TRHDE: variants seen among roughly 807,000 people sequenced by gnomAD.
TRHDE encodes the protein thyrotropin-releasing hormone-degrading ectoenzyme.
Under a neutral mutation model 125.7 loss-of-function variants are expected in TRHDE, and 72 were observed. The observed-to-expected ratio is 0.57, with a 90% confidence interval of 0.47 to 0.70. The LOEUF (loss-of-function observed/expected upper bound fraction) is 0.70, where lower values mean the gene tolerates loss of function less well. Among genes scored for constraint, TRHDE ranks in the 30% least tolerant of loss-of-function variants. The pLI is 0.00. For missense variants in TRHDE, 1,110 were observed against 1,327.1 expected (o/e 0.84, Z 2.54); for synonymous variants, 509 against 509.1 (o/e 1.00, Z 0.00).
intron 6 of TRHDE, among the ~76,000 whole-genome samples, 169 bp downstream of exon 6, chr12:72,499,804 T>C (rs959982345): frequency 3.3e-5 from 5 of 152,176 alleles, no homozygotes; most frequent in Non-Finnish European, 7.4e-5. Context: ...CAGCTTTGCT[T>C]TAAAAGTTGG....
chr12:72,301,816 G>A (rs1268855305), intron 2 of TRHDE, among the ~76,000 whole-genome samples: 1 of 152,140 alleles, frequency 6.6e-6, no homozygotes, highest in Non-Finnish European at 1.5e-5. Context: ...AGGACTGTAG[G>A]TAGGGTGGGG....
At chr12:72,213,693 G>C (rs1045624023) in intron 2 of TRHDE, among the ~76,000 whole-genome samples, 2 of 152,004 alleles carry the variant, frequency 1.3e-5, no homozygotes, top group African/African-American at 4.8e-5. Context: ...CTGGAATTTT[G>C]TAAAATTCAA....
intron 15 of TRHDE, among the ~76,000 whole-genome samples, chr12:72,632,412 T>C (rs567338117): frequency 1.2e-3 from 179 of 152,048 alleles, no homozygotes; most frequent in Non-Finnish European, 2.3e-3. Flanking sequence ...AGGCAGGCGA[T>C]TATCAGGATA....
intron 2 of TRHDE, among the ~76,000 whole-genome samples, chr12:72,143,479 T>C (rs1876162664): frequency 6.6e-6 from 1 of 151,936 alleles, no homozygotes. Context: ...AGTATGATTA[T>C]GCTTAGATCT....
intron 1 of TRHDE, among the ~76,000 whole-genome samples, chr12:72,094,349 G>A (rs1326138216): frequency 6.6e-6 from 1 of 152,056 alleles, no homozygotes; most frequent in Non-Finnish European, 1.5e-5. Context: ...GCTGAGTAAG[G>A]GGCCATAGCC....
intron 1 of TRHDE, among the ~76,000 whole-genome samples, chr12:72,092,187 T>G (rs548510333): frequency 1.2e-3 from 186 of 152,348 alleles, no homozygotes; most frequent in Middle Eastern, 0.01. Context: ...TGTAAGAATC[T>G]ATGCATCTGA....
At chr12:72,540,099 G>A (rs1869067689) in intron 6 of TRHDE, among the ~76,000 whole-genome samples, 1 of 151,782 alleles carries the variant, frequency 6.6e-6, no homozygotes, top group African/African-American at 2.4e-5. Context: ...CTTAGTATAT[G>A]TTGGCTAAAC....
At chr12:72,552,166 T>C (rs1869708364) in intron 7 of TRHDE, among the ~76,000 whole-genome samples, 1 of 152,090 alleles carries the variant, frequency 6.6e-6, no homozygotes, top group South Asian at 2.1e-4. Flanking sequence ...TCTATTTACA[T>C]ACAGAACAGT....
At chr12:72,271,204 A>T (rs1194281053), upstream of TRHDE, among the ~76,000 whole-genome samples, 1 of 152,200 alleles carries the variant, frequency 6.6e-6, no homozygotes, top group African/African-American at 2.4e-5. Context: ...TTAATGCTTC[A>T]TTGCTAACAT....
At chr12:72,277,194 A>C (rs1392013728) in intron 1 of TRHDE, among the ~76,000 whole-genome samples, 1 of 152,154 alleles carries the variant, frequency 6.6e-6, no homozygotes, top group Admixed American at 6.5e-5. Context: ...CTCCAAGTAA[A>C]ATGGGAAAAT....
At chr12:72,477,985 G>A (rs181833813) in intron 5 of TRHDE, among the ~76,000 whole-genome samples, 11 of 152,168 alleles carry the variant, frequency 7.2e-5, no homozygotes, top group African/African-American at 2.4e-4. Context: ...AGAGCTTCAC[G>A]CACCAAAAAC....
intron 2 of TRHDE, among the ~76,000 whole-genome samples, chr12:72,326,886 AG>A (rs1157170850): frequency 6.6e-6 from 1 of 152,174 alleles, no homozygotes; most frequent in Admixed American, 6.5e-5. Flanking sequence ...CACTTTGACA[AG>A]GAGTGGCAGT....
chr12:72,266,647 G>A (rs1879077455), intron 2 of TRHDE, among the ~76,000 whole-genome samples: 1 of 151,688 alleles, frequency 6.6e-6, no homozygotes, highest in Admixed American at 6.6e-5. Flanking sequence ...TATATCCCTA[G>A]CACAGTGCCT....
rs185613190 is a variant in TRHDE at position 72,117,027 on chromosome 12, T to C, written n.279+11275T>C. Among the ~76,000 whole-genome samples the C allele has an allele frequency of 4.2e-3, 645 of 152,282 alleles. 1 individual carries two copies. Among genetic ancestry groups the C allele is most frequent in the African/African-American group, 0.015 (623 of 41,586 alleles). On this transcript the variant is annotated intron_variant and non_coding_transcript_variant, in intron 2 of 4. Transcript: ENST00000548156. ...TGATGGATAGTTTGCAATTTTTTTC[T>C]CCCATTCTGTGGGTTGTCTCTTCTC...
At chr12:72,562,741 A>T in intron 8 of TRHDE, 112 bp from the exon 9 acceptor site, 1 of 683,352 alleles carries the variant, frequency 1.5e-6, no homozygotes, top group Non-Finnish European at 2.3e-6. Context: ...CAATGACTTT[A>T]AATGTTTTCA....
chr12:72,191,008 C>T (rs1877326985), intron 2 of TRHDE, among the ~76,000 whole-genome samples: 1 of 152,190 alleles, frequency 6.6e-6, no homozygotes. Context: ...TTTCTGCATG[C>T]ACTATAACCT....
chr12:72,650,864 C>A (rs986727564), intron 15 of TRHDE, among the ~76,000 whole-genome samples: 11 of 152,178 alleles, frequency 7.2e-5, no homozygotes, highest in African/African-American at 2.4e-4. Flanking sequence ...CAGAACTGAG[C>A]ACATCCTTCA....
chr12:72,500,872 T>TTTA (rs1878124111), intron 6 of TRHDE, among the ~76,000 whole-genome samples: 1 of 130,612 alleles, frequency 7.7e-6, no homozygotes, highest in Admixed American at 8.0e-5. Flanking sequence ...TTTTTTTTTT[T>TTTA]AAGTTTCTTT....
intron 2 of TRHDE, among the ~76,000 whole-genome samples, chr12:72,245,674 C>A (rs939154491): frequency 7.4e-4 from 113 of 151,864 alleles, no homozygotes; most frequent in Non-Finnish European, 1.4e-3. Flanking sequence ...ATTTAATTTT[C>A]AAATTTATAA....
Sources: gnomAD v4.1 joint callset for allele counts (sites outside exome capture counted in the v4.1 genomes callset) on GRCh38, gnomAD v4.1.1 for gene constraint, MANE v1.5 for transcripts, NCBI Gene and HGNC (gene_info 2026-07-23, HGNC 2026-07-21) for gene names.